PATJ: variants seen among roughly 807,000 people sequenced by gnomAD.
The protein encoded by PATJ is PATJ crumbs cell polarity complex component.
PATJ carries 190 observed loss-of-function variants against 224.9 expected under a neutral mutation model. The observed-to-expected ratio is 0.84, with a 90% CI of 0.75 to 0.95. The LOEUF is 0.95. Among genes scored for constraint, PATJ ranks in the 40% least tolerant of loss-of-function variants. The probability of loss-of-function intolerance (pLI) is 0.00; values close to 1 mark genes in which losing one functional copy is unlikely to be tolerated. For synonymous variants in PATJ, 769 were observed against 820.3 expected (o/e 0.94, Z 1.07); for missense variants, 2,121 against 2,270.3 (o/e 0.93, Z 1.34).
intron 30 of PATJ, among the ~76,000 whole-genome samples, chr1:62,045,044 C>A (rs1480722083): frequency 1.3e-5 from 2 of 152,058 alleles, no homozygotes; most frequent in African/African-American, 4.8e-5. Flanking sequence ...ATGGCGAAAC[C>A]CCGTCTCTAC....
intron 7 of PATJ, among the ~76,000 whole-genome samples, chr1:61,781,237 C>A (rs904810246): frequency 6.6e-6 from 1 of 152,164 alleles, no homozygotes; most frequent in Non-Finnish European, 1.5e-5. Context: ...TTGTTCACAT[C>A]CATCAACAGG....
At chr1:61,933,917 C>T (rs571508618) in intron 27 of PATJ, among the ~76,000 whole-genome samples, 6 of 151,904 alleles carry the variant, frequency 3.9e-5, no homozygotes, top group East Asian at 1.9e-4. Context: ...CAGTCTCTTT[C>T]GCATTCGTAG....
intron 14 of PATJ, among the ~76,000 whole-genome samples, chr1:61,812,354 T>TAGAGAG (rs71050165): frequency 3.6e-5 from 4 of 111,742 alleles, no homozygotes; most frequent in African/African-American, 1.4e-4. Context: ...GGGGAGGGAA[T>TAGAGAG]AGAGAGAGAG....
intron 31 of PATJ, among the ~76,000 whole-genome samples, chr1:62,058,704 T>TA (rs2148628026): frequency 6.6e-6 from 1 of 152,324 alleles, no homozygotes; most frequent in South Asian, 2.1e-4. Context: ...AGATTTTGCC[T>TA]ATATGAAATG....
intron 33 of PATJ, among the ~76,000 whole-genome samples, chr1:62,107,221 G>A (rs1050006692): frequency 6.6e-6 from 1 of 151,838 alleles, no homozygotes; most frequent in Non-Finnish European, 1.5e-5. Flanking sequence ...CAGGAGAATG[G>A]CGTGAACCCA....
chr1:62,161,655 A>G lies in PATJ; in HGVS notation c.*601A>G, dbSNP rs1276043936. 6.6e-6 allele frequency: 1 copy of G among 152,058 alleles called. No homozygotes were observed. The highest frequency in any genetic ancestry group is 1.5e-5 in the Non-Finnish European group (1 of 68,036). The allele number at this position is 152,058 out of a possible 1,614,324, so 9.4% of individuals were successfully genotyped here. On this transcript the variant is annotated 3_prime_UTR_variant, in exon 44 of 44. Coordinates refer to ENST00000642238, the MANE Select transcript of PATJ (RefSeq NM_001350145.3). ...CGCCCAGCCCAGTATTCTGATTTTA[A>G]CCAACTGGTTCTGATTATATTTACC...
At chr1:62,087,439 A>G (rs550822021) in intron 33 of PATJ, among the ~76,000 whole-genome samples, 3 of 152,050 alleles carry the variant, frequency 2.0e-5, no homozygotes, top group Admixed American at 6.6e-5. Context: ...GTAAAAAGAC[A>G]TTATTCAGAA....
intron 27 of PATJ, chr1:61,952,401 G>A (rs1244937357): frequency 1.4e-6 from 1 of 717,360 alleles, no homozygotes; most frequent in Admixed American, 2.0e-5. Context: ...TGGTCCAAGG[G>A]GGTTTCCCAG....
intron 22 of PATJ, among the ~76,000 whole-genome samples, chr1:61,889,451 A>G (rs1395095224): frequency 6.6e-6 from 1 of 152,056 alleles, no homozygotes; most frequent in Non-Finnish European, 1.5e-5. Flanking sequence ...TCTTCAAGGG[A>G]TATGTTCCAA....
intron 31 of PATJ, 62 bp from the exon 32 acceptor site, chr1:62,079,388 A>G (rs1360731277): frequency 2.0e-6 from 2 of 975,926 alleles, no homozygotes; most frequent in East Asian, 2.4e-5. Context: ...CACCAGTTTT[A>G]AAGTATTTTC....
chr1:62,140,065 T>G (rs1388086994), intron 41 of PATJ, among the ~76,000 whole-genome samples: 1 of 152,020 alleles, frequency 6.6e-6, no homozygotes, highest in Non-Finnish European at 1.5e-5. Context: ...CAGCCTAAAG[T>G]CATTCTTAAG....
At chr1:61,932,973 G>A (rs1395603549) in intron 27 of PATJ, among the ~76,000 whole-genome samples, 1 of 152,128 alleles carries the variant, frequency 6.6e-6, no homozygotes, top group African/African-American at 2.4e-5. Context: ...AACCAATATA[G>A]AGAGTTTGGT....
At chr1:61,770,996 T>C (rs1331596172) in intron 5 of PATJ, among the ~76,000 whole-genome samples, 1 of 151,882 alleles carries the variant, frequency 6.6e-6, no homozygotes, top group African/African-American at 2.4e-5. Flanking sequence ...TTGATAAATA[T>C]TGGACAAGTA....
chr1:61,822,905 T>A, intron 14 of PATJ, 40 bp from the exon 15 acceptor site: 3 of 1,611,806 alleles, frequency 1.9e-6, no homozygotes, highest in African/African-American at 1.3e-5. Context: ...GCCGGATGTG[T>A]CATTGTCATG....
At chr1:62,013,731 A>G (rs2183995) in intron 28 of PATJ, among the ~76,000 whole-genome samples, 36,173 of 152,142 alleles carry the variant, frequency 0.24, 5,350 homozygotes, top group East Asian at 0.44. Context: ...GACATTCACA[A>G]ATGCTTAACT....
At chr1:62,073,779 C>T (rs1657832503) in intron 31 of PATJ, among the ~76,000 whole-genome samples, 1 of 152,168 alleles carries the variant, frequency 6.6e-6, no homozygotes, top group African/African-American at 2.4e-5. Context: ...TGCTTGAGCC[C>T]AGGAATTCCA....
intron 26 of PATJ, among the ~76,000 whole-genome samples, chr1:61,916,725 T>C (rs1673499513): frequency 6.6e-6 from 1 of 152,214 alleles, no homozygotes. Context: ...GTTGACTAAA[T>C]GGGAGACCGG....
At chr1:62,126,406 C>A (rs907393198) in intron 39 of PATJ, among the ~76,000 whole-genome samples, 3 of 152,144 alleles carry the variant, frequency 2.0e-5, no homozygotes, top group Admixed American at 6.6e-5. Context: ...GTTTCAGAGG[C>A]CACAGGTAGT....
intron 41 of PATJ, among the ~76,000 whole-genome samples, chr1:62,146,708 C>T (rs773239303): frequency 7.2e-5 from 11 of 152,008 alleles, no homozygotes; most frequent in South Asian, 2.1e-4. Flanking sequence ...ACCCGGGAGG[C>T]GGAGGTTGCG....
Sources: gnomAD v4.1 joint callset for allele counts (sites outside exome capture counted in the v4.1 genomes callset) on GRCh38, gnomAD v4.1.1 for gene constraint, MANE v1.5 for transcripts, NCBI Gene and HGNC (gene_info 2026-07-23, HGNC 2026-07-21) for gene names.